KCTD8: variants seen among roughly 807,000 people sequenced by gnomAD.
KCTD8 encodes the protein potassium channel tetramerization domain containing 8, also known as BTB/POZ domain-containing protein KCTD8.
Under a neutral mutation model 31.5 loss-of-function variants are expected in KCTD8, and 27 were observed. The ratio of observed to expected loss-of-function variants is 0.86; its 90% CI spans 0.63 to 1.18. The LOEUF is 1.18. Among genes scored for constraint, KCTD8 ranks in the 50% most tolerant of loss-of-function variants. The pLI is 0.00. For synonymous variants in KCTD8, 290 were observed against 280.0 expected (o/e 1.04, Z -0.36); for missense variants, 658 against 647.7 (o/e 1.02, Z -0.17).
In KCTD8 at chr4:44,174,736, G is replaced by C; in HGVS notation, c.*54C>G. On this transcript the variant is annotated 3_prime_UTR_variant, in exon 2 of 2. Coordinates refer to ENST00000360029, the MANE Select transcript of KCTD8 (RefSeq NM_198353.3). The stretch of plus-strand genomic sequence containing the variant: ...ATTGTTAGGACATCAGTCAGGTGGT[G>C]ACACTGTAGTAAACATTGAATGTCA... The C allele has an allele frequency of 7.5e-7, 1 of 1,338,910 alleles. No individual in the cohort carries two copies. Among genetic ancestry groups the C allele is most frequent in the Non-Finnish European group, 1.0e-6 (1 of 962,094 alleles). 82.9% of individuals were successfully genotyped at this position (1,338,910 alleles called of 1,614,324 possible).
intron 1 of KCTD8, among the ~76,000 whole-genome samples, chr4:44,379,244 T>C (rs1309740714): frequency 6.6e-6 from 1 of 152,058 alleles, no homozygotes; most frequent in East Asian, 2.0e-4. Context: ...GGGGCAATTG[T>C]TTTTATTCAC....
chr4:44,269,668 T>C (rs1420668087), intron 1 of KCTD8, among the ~76,000 whole-genome samples: 1 of 152,146 alleles, frequency 6.6e-6, no homozygotes, highest in Non-Finnish European at 1.5e-5. Context: ...ATCCAGAATC[T>C]ACAATGAACT....
At chr4:44,245,385 T>C (rs1715629958) in intron 1 of KCTD8, among the ~76,000 whole-genome samples, 1 of 152,128 alleles carries the variant, frequency 6.6e-6, no homozygotes, top group South Asian at 2.1e-4. Flanking sequence ...ATATCTATTA[T>C]GTTTGTAAAC....
intron 1 of KCTD8, among the ~76,000 whole-genome samples, chr4:44,436,136 A>C (rs1721638223): frequency 6.6e-6 from 1 of 152,254 alleles, no homozygotes. Context: ...TAGTGGGGCA[A>C]ATTGGCACAG....
At chr4:44,269,989 C>T (rs1309274321) in intron 1 of KCTD8, among the ~76,000 whole-genome samples, 3 of 152,072 alleles carry the variant, frequency 2.0e-5, no homozygotes, top group Non-Finnish European at 2.9e-5. Flanking sequence ...GTGGTGATTC[C>T]TCAGGGATCT....
chr4:44,431,050 A>C (rs1189491469), intron 1 of KCTD8, among the ~76,000 whole-genome samples: 3 of 151,762 alleles, frequency 2.0e-5, no homozygotes, highest in African/African-American at 7.2e-5. Context: ...TTCAATAACC[A>C]AATTTTTAAA....
At chr4:44,319,897 C>T (rs536007319) in intron 1 of KCTD8, among the ~76,000 whole-genome samples, 97 of 152,074 alleles carry the variant, frequency 6.4e-4, no homozygotes, top group African/African-American at 1.9e-3. Flanking sequence ...CTAGGCCGGG[C>T]GCAGTGGCTC....
At chr4:44,219,303 A>G (rs1466164560) in intron 1 of KCTD8, among the ~76,000 whole-genome samples, 2 of 152,242 alleles carry the variant, frequency 1.3e-5, no homozygotes, top group African/African-American at 4.8e-5. Flanking sequence ...ATTGAATTGT[A>G]TATCCCCAAA....
chr4:44,410,994 CATTTAA>C (rs1720939999), intron 1 of KCTD8, among the ~76,000 whole-genome samples: 1 of 152,096 alleles, frequency 6.6e-6, no homozygotes, highest in Admixed American at 6.6e-5. Context: ...CTTTGGGTTA[CATTTAA>C]TAGATTTTAC....
chr4:44,405,931 A>C (rs953405288), intron 1 of KCTD8, among the ~76,000 whole-genome samples: 16 of 152,226 alleles, frequency 1.1e-4, no homozygotes, highest in African/African-American at 3.9e-4. Flanking sequence ...CAAGAGGAGA[A>C]GAAAAGGGTA....
Position 44,178,460 on chromosome 4 carries a change from A to G in KCTD8, c.962-3210T>C, listed in dbSNP as rs149017471. Among the ~76,000 whole-genome samples, 20 of 152,256 alleles carry G rather than the reference A, an allele frequency of 1.3e-4. 1 individual carries two copies. The East Asian group carries it at 2.7e-3, about 21-fold the overall frequency. On this transcript the variant is annotated intron_variant, in intron 1 of 1. Coordinates refer to ENST00000360029, the MANE Select transcript of KCTD8 (RefSeq NM_198353.3). ...ATTCAACACCCTAATACAACATAGT[A>G]TATAAATAAATGTTGTTTTTTTTAC...
chr4:44,347,617 C>A (rs542051461), intron 1 of KCTD8, among the ~76,000 whole-genome samples: 1 of 152,192 alleles, frequency 6.6e-6, no homozygotes, highest in East Asian at 1.9e-4. Flanking sequence ...GCCCAGTAAA[C>A]CATTAACAAG....
rs140272930 is a variant in KCTD8, at chr4:44,207,196, C to A, written c.962-31946G>T. 3.0e-4 allele frequency among the ~76,000 whole-genome samples: 46 copies of A among 152,296 alleles called. 1 individual carries two copies. The East Asian group carries it at 8.3e-3, about 28-fold the overall frequency. ...TGTCATTTACAAGGCATTGTGCCTG[C>A]ACCCAGTAAGTATTCAATAAATATT... On this transcript the variant is annotated intron_variant, in intron 1 of 1. Transcript: ENST00000360029.
intron 1 of KCTD8, among the ~76,000 whole-genome samples, chr4:44,177,185 C>T (rs186863924): frequency 6.6e-6 from 1 of 152,258 alleles, no homozygotes; most frequent in East Asian, 1.9e-4. Flanking sequence ...TCCACAGTGG[C>T]TGATGGGTAC....
At chr4:44,334,700 A>T (rs2109414653) in intron 1 of KCTD8, among the ~76,000 whole-genome samples, 1 of 152,252 alleles carries the variant, frequency 6.6e-6, no homozygotes, top group East Asian at 1.9e-4. Context: ...AAAACCAAGG[A>T]TATAAACTAA....
intron 1 of KCTD8, among the ~76,000 whole-genome samples, chr4:44,412,256 G>A (rs1340887897): frequency 1.3e-5 from 2 of 152,102 alleles, no homozygotes; most frequent in African/African-American, 4.8e-5. Flanking sequence ...AGAGCTACCA[G>A]CTCTAACCTA....
chr4:44,255,890 C>T (rs1369275670), intron 1 of KCTD8, among the ~76,000 whole-genome samples: 1 of 151,926 alleles, frequency 6.6e-6, no homozygotes, highest in Non-Finnish European at 1.5e-5. Context: ...ATACAAATTA[C>T]AAATTAATAT....
At chr4:44,328,450 T>C (rs558178281) in intron 1 of KCTD8, among the ~76,000 whole-genome samples, 1 of 152,066 alleles carries the variant, frequency 6.6e-6, no homozygotes, top group African/African-American at 2.4e-5. Flanking sequence ...CATTGACATA[T>C]ACACTTCGCC....
intron 1 of KCTD8, among the ~76,000 whole-genome samples, chr4:44,267,930 C>A (rs908415214): frequency 6.6e-6 from 1 of 152,126 alleles, no homozygotes; most frequent in Non-Finnish European, 1.5e-5. Context: ...GAGTCCAGGA[C>A]CAGATGGATT....
Sources: allele counts gnomAD v4.1 joint callset (sites outside exome capture counted in the v4.1 genomes callset), GRCh38; gene constraint gnomAD v4.1.1; transcripts MANE v1.5; gene names NCBI Gene and HGNC (gene_info 2026-07-23, HGNC 2026-07-21).